Variants in PGCKA1 observed in about 807,000 individuals in gnomAD.
PGCKA1 encodes the protein PDCD10 and GCKIII kinases associated 1.
the PGCKA1 span, among the ~76,000 whole-genome samples, chr4:37,570,225 C>G: frequency 7.3e-6 from 1 of 137,854 alleles, no homozygotes; most frequent in Admixed American, 7.9e-5. Flanking sequence ...GTCTCGATCT[C>G]CTGACCTTTT....
the PGCKA1 span, among the ~76,000 whole-genome samples, chr4:37,487,647 C>T: frequency 3.9e-5 from 6 of 152,106 alleles, no homozygotes; most frequent in South Asian, 2.1e-4. Context: ...CCAATCAATC[C>T]TTGTCCCCAG....
chr4:37,556,119 G>A, the PGCKA1 span, among the ~76,000 whole-genome samples: 1 of 152,106 alleles, frequency 6.6e-6, no homozygotes, highest in Non-Finnish European at 1.5e-5. Context: ...TCACACAGTA[G>A]GAATTCAGAA....
chr4:37,559,277 A>C, the PGCKA1 span, among the ~76,000 whole-genome samples: 1 of 121,960 alleles, frequency 8.2e-6, no homozygotes, highest in Non-Finnish European at 1.7e-5. Flanking sequence ...AAAAAAGATG[A>C]GTTCATGCCC....
At chr4:37,544,664 A>T in the PGCKA1 span, among the ~76,000 whole-genome samples, 4 of 148,886 alleles carry the variant, frequency 2.7e-5, no homozygotes, top group African/African-American at 7.5e-5. Context: ...TTCTCTGATT[A>T]AAAAAAAACA....
chr4:37,468,052 T>G, the PGCKA1 span, among the ~76,000 whole-genome samples: 63,332 of 152,064 alleles, frequency 0.42, 14,019 homozygotes, highest in Non-Finnish European at 0.49. Flanking sequence ...GTTCAGGGCA[T>G]GTCAGTAGGT....
chr4:37,501,653 G>A, the PGCKA1 span, among the ~76,000 whole-genome samples: 1 of 152,154 alleles, frequency 6.6e-6, no homozygotes, highest in Admixed American at 6.5e-5. Flanking sequence ...GGCAGGACTG[G>A]TGGTAACAAA....
At chr4:37,564,039 G>A in the PGCKA1 span, among the ~76,000 whole-genome samples, 1 of 152,132 alleles carries the variant, frequency 6.6e-6, no homozygotes, top group African/African-American at 2.4e-5. Context: ...TTGGGAGGCT[G>A]GGACGGGTGG....
the PGCKA1 span, among the ~76,000 whole-genome samples, chr4:37,570,429 C>CAAA: frequency 7.5e-3 from 883 of 117,514 alleles, 15 homozygotes; most frequent in African/African-American, 0.026. Flanking sequence ...ATGTTTCTGC[C>CAAA]AAAAAAAAAA....
chr4:37,568,811 C>A, the PGCKA1 span, among the ~76,000 whole-genome samples: 1 of 152,128 alleles, frequency 6.6e-6, no homozygotes, highest in African/African-American at 2.4e-5. Flanking sequence ...CCCACTTTAT[C>A]GTTTAGATTG....
chr4:37,470,595 T>G, the PGCKA1 span, among the ~76,000 whole-genome samples: 1 of 152,216 alleles, frequency 6.6e-6, no homozygotes, highest in Non-Finnish European at 1.5e-5. Flanking sequence ...GTTGGTGAGT[T>G]CATTTTATAT....
the PGCKA1 span, among the ~76,000 whole-genome samples, chr4:37,570,288 G>A: frequency 6.0e-5 from 9 of 151,138 alleles, no homozygotes; most frequent in African/African-American, 1.9e-4. Context: ...ATGAGCCACC[G>A]CGCCCGGCTG....
chr4:37,481,296 C>CT, the PGCKA1 span, among the ~76,000 whole-genome samples: 2 of 140,622 alleles, frequency 1.4e-5, no homozygotes, highest in Non-Finnish European at 1.6e-5. Context: ...CCTGTCTCTA[C>CT]TAAAAAAAAA....
the PGCKA1 span, among the ~76,000 whole-genome samples, chr4:37,564,078 G>C: frequency 1.3e-5 from 2 of 151,900 alleles, no homozygotes; most frequent in South Asian, 4.2e-4. Flanking sequence ...GTCGAGACCC[G>C]CCTGGCCAAC....
chr4:37,456,631 C>T, the PGCKA1 span, among the ~76,000 whole-genome samples: 1 of 152,212 alleles, frequency 6.6e-6, no homozygotes, highest in Non-Finnish European at 1.5e-5. Flanking sequence ...TAATAAAACC[C>T]TGACCTGGCC....
the PGCKA1 span, among the ~76,000 whole-genome samples, chr4:37,459,065 C>T: frequency 8.6e-5 from 13 of 151,984 alleles, no homozygotes; most frequent in South Asian, 1.0e-3. Context: ...AGTACCACGA[C>T]GGAGCTCTGC....
chr4:37,580,594 T>C, the PGCKA1 span, among the ~76,000 whole-genome samples: 2 of 152,226 alleles, frequency 1.3e-5, no homozygotes, highest in African/African-American at 4.8e-5. Flanking sequence ...GGGCAGACTC[T>C]TGTTCCCCAA....
chr4:37,538,288 A>T, the PGCKA1 span, among the ~76,000 whole-genome samples: 1 of 152,244 alleles, frequency 6.6e-6, no homozygotes, highest in Non-Finnish European at 1.5e-5. Flanking sequence ...CTTGGTAAAT[A>T]AACATGTATG....
At chr4:37,489,510 T>A in the PGCKA1 span, among the ~76,000 whole-genome samples, 2 of 152,152 alleles carry the variant, frequency 1.3e-5, no homozygotes, top group Non-Finnish European at 2.9e-5. Context: ...TACAATAATA[T>A]AACATTCCAC....
At chr4:37,559,450 G>C in the PGCKA1 span, among the ~76,000 whole-genome samples, 4 of 126,910 alleles carry the variant, frequency 3.2e-5, no homozygotes, top group South Asian at 1.2e-3. Flanking sequence ...GTTGTGGGGT[G>C]GGGGGAGGGG....
Sources: allele counts gnomAD v4.1 joint callset (sites outside exome capture counted in the v4.1 genomes callset), GRCh38; gene constraint gnomAD v4.1.1; transcripts MANE v1.5; gene names NCBI Gene and HGNC (gene_info 2026-07-23, HGNC 2026-07-21).